NSRP1: variants seen among roughly 807,000 people sequenced by gnomAD.
NSRP1 encodes the protein coiled-coil domain containing 55.
Under a neutral mutation model 54.7 loss-of-function variants are expected in NSRP1, and 24 were observed. The observed-to-expected ratio is 0.44, with a 90% CI of 0.32 to 0.62. The LOEUF (loss-of-function observed/expected upper bound fraction) is 0.62. Among genes scored for constraint, NSRP1 ranks in the 20% least tolerant of loss-of-function variants. The pLI is 0.06. For synonymous variants in NSRP1, 210 were observed against 213.8 expected (o/e 0.98, Z 0.15); for missense variants, 596 against 651.2 (o/e 0.92, Z 0.92).
chr17:30,184,732 T>A lies in NSRP1; in HGVS notation c.735T>A (p.Asp245Glu). 6.2e-7 allele frequency: 1 copy of A among 1,614,088 alleles called. No individual in the cohort carries two copies. The highest frequency in any genetic ancestry group is 8.5e-7 in the Non-Finnish European group (1 of 1,180,010). Residue 245 changes from aspartate (D) to glutamate (E), a missense_variant, in exon 7 of 7, where the codon GAT becomes GAA. Physicochemically the swap from Asp to Glu is conservative, Grantham distance 45 (BLOSUM62 2). Coordinates refer to ENST00000247026, the MANE Select transcript of NSRP1 (RefSeq NM_032141.4). ...QTDVKVEENPDADSDFDAKSS... is the reference protein window; with the variant it reads ...QTDVKVEENPEADSDFDAKSS... ...ATGTGAAAGTAGAGGAAAACCCAGA[T>A]GCAGACAGTGACTTCGATGCTAAGA...
chr17:30,159,100 A>T (rs1490804637), intron 2 of NSRP1, among the ~76,000 whole-genome samples: 1 of 152,154 alleles, frequency 6.6e-6, no homozygotes, highest in African/African-American at 2.4e-5. Flanking sequence ...TGAACATGGG[A>T]TGTCTTTCCA....
At chr17:30,153,977 T>A (rs2071937332) in intron 2 of NSRP1, among the ~76,000 whole-genome samples, 1 of 152,202 alleles carries the variant, frequency 6.6e-6, no homozygotes, top group South Asian at 2.1e-4. Context: ...GCTCTAGATT[T>A]CGTCCTGGAT....
chr17:30,177,620 A>T (rs1261888413), intron 3 of NSRP1, among the ~76,000 whole-genome samples: 1 of 152,168 alleles, frequency 6.6e-6, no homozygotes, highest in African/African-American at 2.4e-5. Context: ...TGAAAGTTTA[A>T]TATATAATAC....
chr17:30,117,080 T>G (rs1255703709), intron 1 of NSRP1: 1 of 770,418 alleles, frequency 1.3e-6, no homozygotes, highest in East Asian at 2.5e-5. Context: ...TGTGAGGAAA[T>G]AAAGGAAGTT....
intron 2 of NSRP1, among the ~76,000 whole-genome samples, chr17:30,171,451 G>A (rs1394742983): frequency 6.6e-6 from 1 of 150,796 alleles, no homozygotes; most frequent in Non-Finnish European, 1.5e-5. Context: ...GATTACAGCT[G>A]TGCTCCAACA....
At chr17:30,151,896 A>G (rs2071915018) in intron 2 of NSRP1, among the ~76,000 whole-genome samples, 1 of 147,522 alleles carries the variant, frequency 6.8e-6, no homozygotes, top group African/African-American at 2.5e-5. Flanking sequence ...GATTCTCCCA[A>G]GTAGCTGGGA....
At chr17:30,183,863 C>T (rs890307087) in intron 6 of NSRP1, among the ~76,000 whole-genome samples, 15 of 152,086 alleles carry the variant, frequency 9.9e-5, no homozygotes, top group African/African-American at 3.6e-4. Context: ...TTTTGCTGTG[C>T]AAAGATTATC....
intron 5 of NSRP1, among the ~76,000 whole-genome samples, chr17:30,180,025 C>CG (rs1322101766): frequency 6.6e-6 from 1 of 152,036 alleles, no homozygotes; most frequent in East Asian, 1.9e-4. Flanking sequence ...TTTGTAGAGA[C>CG]GGGGTCTCAC....
At chr17:30,126,882 G>C (rs2071654854) in intron 2 of NSRP1, among the ~76,000 whole-genome samples, 1 of 152,202 alleles carries the variant, frequency 6.6e-6, no homozygotes, top group Non-Finnish European at 1.5e-5. Flanking sequence ...GAGCCACCAT[G>C]CCTGGCCTAG....
chr17:30,178,606 T>C (rs1040610262), intron 4 of NSRP1, among the ~76,000 whole-genome samples: 2 of 152,106 alleles, frequency 1.3e-5, no homozygotes, highest in Admixed American at 1.3e-4. Flanking sequence ...AGAAAAAAAT[T>C]TGGGAGGGGT....
chr17:30,133,949 C>T (rs1157184713), intron 2 of NSRP1, among the ~76,000 whole-genome samples: 1 of 152,194 alleles, frequency 6.6e-6, no homozygotes, highest in African/African-American at 2.4e-5. Flanking sequence ...CTGCAAGAAG[C>T]CTAGCTTTCA....
intron 2 of NSRP1, among the ~76,000 whole-genome samples, chr17:30,164,922 A>C (rs1904675543): frequency 6.6e-6 from 1 of 152,198 alleles, no homozygotes; most frequent in Non-Finnish European, 1.5e-5. Context: ...CAATGACTTT[A>C]TTGTGTGGTT....
chr17:30,134,816 C>CAGGTTGACTTCAA (rs1210684455), intron 2 of NSRP1, among the ~76,000 whole-genome samples: 1 of 152,164 alleles, frequency 6.6e-6, no homozygotes, highest in African/African-American at 2.4e-5. Context: ...TGGCAAAGAT[C>CAGGTTGACTTCAA]AGGTTGACTT....
chr17:30,120,890 A>T (rs1189788316), intron 2 of NSRP1, among the ~76,000 whole-genome samples: 1 of 152,216 alleles, frequency 6.6e-6, no homozygotes, highest in Admixed American at 6.5e-5. Context: ...AATGTGAATG[A>T]AATGTAGAGA....
intron 2 of NSRP1, among the ~76,000 whole-genome samples, chr17:30,145,917 A>T (rs905824546): frequency 6.6e-6 from 1 of 152,160 alleles, no homozygotes; most frequent in African/African-American, 2.4e-5. Context: ...AGGCATGACC[A>T]TGGCTCACTG....
Position 30,185,779 on chromosome 17 carries a change from T to C in NSRP1, c.*105T>C, listed in dbSNP as rs1396651541. On this transcript the variant is annotated 3_prime_UTR_variant, in exon 7 of 7. Transcript: ENST00000247026. ...TGTGTTACCAGTAGTTTGGAGGGCA[T>C]TTTTAAATTTATTTTCAAAATTTTA... is the stretch of plus-strand genomic sequence containing the variant. 7 of 1,267,456 alleles carry C rather than the reference T, an allele frequency of 5.5e-6. No homozygotes were observed. The highest frequency in any genetic ancestry group is 7.5e-6 in the Non-Finnish European group (7 of 933,938). The allele number at this position is 1,267,456 out of a possible 1,614,324, so 78.5% of individuals were successfully genotyped here. A position where few individuals can be genotyped will look rare whatever the true frequency, so the allele number is the denominator to read the frequency against.
At chr17:30,117,121 A>G (rs762256671) in intron 1 of NSRP1, 81 of 748,440 alleles carry the variant, frequency 1.1e-4, no homozygotes, top group Non-Finnish European at 1.7e-4. Context: ...AGACTTTTCT[A>G]TTTTCCAAAA....
intron 5 of NSRP1, among the ~76,000 whole-genome samples, 156 bp from the exon 6 acceptor site, chr17:30,180,752 A>C (rs1365162447): frequency 6.6e-6 from 1 of 152,238 alleles, no homozygotes; most frequent in Admixed American, 6.5e-5. Flanking sequence ...AAATTTATTT[A>C]TGAAAACAGG....
At chr17:30,123,626 C>T (rs1048878883) in intron 2 of NSRP1, among the ~76,000 whole-genome samples, 2 of 152,110 alleles carry the variant, frequency 1.3e-5, no homozygotes, top group African/African-American at 2.4e-5. Flanking sequence ...ACCTAAGAAA[C>T]CATTGCCTAA....
Sources: allele counts gnomAD v4.1 joint callset (sites outside exome capture counted in the v4.1 genomes callset), GRCh38; gene constraint gnomAD v4.1.1; transcripts MANE v1.5; gene names NCBI Gene and HGNC (gene_info 2026-07-23, HGNC 2026-07-21).